Variants in MAML3 observed in about 807,000 individuals in gnomAD.
The protein encoded by MAML3 is mastermind-like protein 3.
A neutral mutation model predicts 101.9 loss-of-function variants in MAML3; 27 were observed. That is an observed-to-expected ratio of 0.27 (90% CI 0.20 to 0.37). The LOEUF is 0.37. Ranked by LOEUF, MAML3 falls within the 10% of genes least tolerant of loss-of-function variation. MAML3 has a pLI of 1.00. For synonymous variants in MAML3, 501 were observed against 555.9 expected (o/e 0.90, Z 1.39); for missense variants, 1,316 against 1,444.9 (o/e 0.91, Z 1.45).
intron 1 of MAML3, among the ~76,000 whole-genome samples, chr4:140,044,043 T>TA (rs1299719728): frequency 6.6e-6 from 1 of 151,042 alleles, no homozygotes; most frequent in Non-Finnish European, 1.5e-5. Context: ...GTTTTAAGAA[T>TA]AAACAAGACA....
intron 1 of MAML3, among the ~76,000 whole-genome samples, chr4:140,081,421 C>T (rs1440608224): frequency 6.6e-6 from 1 of 152,150 alleles, no homozygotes; most frequent in Non-Finnish European, 1.5e-5. Flanking sequence ...TCCTTATTTA[C>T]CAATATCGTG....
chr4:140,081,194 A>T (rs2320823), intron 1 of MAML3, among the ~76,000 whole-genome samples: 9,829 of 152,216 alleles, frequency 0.065, 475 homozygotes, highest in East Asian at 0.24. Context: ...TCTGTTTATA[A>T]GAGGTATGGG....
chr4:139,852,236 G>A (rs990858018), intron 2 of MAML3, among the ~76,000 whole-genome samples: 1 of 151,998 alleles, frequency 6.6e-6, no homozygotes, highest in African/African-American at 2.4e-5. Context: ...AATTTTGGGG[G>A]TAAGTTTCTT....
chr4:140,134,672 C>G (rs1380531375), intron 1 of MAML3: 1 of 271,050 alleles, frequency 3.7e-6, no homozygotes, highest in African/African-American at 2.3e-5. Flanking sequence ...CTTTTAATGA[C>G]ATTTGTTCAT....
At chr4:140,013,787 T>C (rs1338800303) in intron 1 of MAML3, among the ~76,000 whole-genome samples, 2 of 152,186 alleles carry the variant, frequency 1.3e-5, no homozygotes, top group East Asian at 3.9e-4. Flanking sequence ...CCAGTGTAAA[T>C]TCCTTCATTA....
chr4:139,888,492 C>T, intron 2 of MAML3: 1 of 517,620 alleles, frequency 1.9e-6, no homozygotes, highest in Non-Finnish European at 3.9e-6. Context: ...CTCTCTCCTT[C>T]AGGGTAGAAC....
intron 1 of MAML3, among the ~76,000 whole-genome samples, chr4:139,915,562 G>A (rs542848758): frequency 1.4e-4 from 21 of 152,302 alleles, no homozygotes; most frequent in East Asian, 5.8e-4. Context: ...AGAAATGTCC[G>A]TGTAGGCTAC....
chr4:140,039,697 T>C (rs991074042), intron 1 of MAML3, among the ~76,000 whole-genome samples: 2 of 152,202 alleles, frequency 1.3e-5, no homozygotes, highest in African/African-American at 4.8e-5. Flanking sequence ...GGGCCAGGCA[T>C]GCATTTGACA....
rs779890288 is a variant in MAML3 at position 139,719,337 on chromosome 4, A to G, written c.3403T>C (p.Phe1135Leu). Residue 1135 changes from phenylalanine (F) to leucine (L), a missense_variant, in exon 5 of 5, where the codon TTT (phenylalanine) becomes CTT (leucine). Coordinates refer to ENST00000509479, the MANE Select transcript of MAML3 (RefSeq NM_018717.5). ...DEWMQELDEL[F>L]GNP ...GCCTCTCTTGATTAGGGGTTACCAA[A>G]CAATTCATCAAGCTCCTGCATCCAC... is the stretch of plus-strand genomic sequence containing the variant. The G allele has an allele frequency of 5.0e-6, 8 of 1,591,646 alleles. No individual in the cohort carries two copies.
chr4:140,068,124 G>A (rs1285269616), intron 1 of MAML3, among the ~76,000 whole-genome samples: 3 of 152,100 alleles, frequency 2.0e-5, no homozygotes, highest in East Asian at 1.9e-4. Context: ...TCACTCCCAC[G>A]TATTTTCTTG....
At chr4:140,151,695 G>GGT (rs1553981887) in intron 1 of MAML3, among the ~76,000 whole-genome samples, 1 of 149,704 alleles carries the variant, frequency 6.7e-6, no homozygotes, top group Non-Finnish European at 1.5e-5. Flanking sequence ...CGGTGCGGGG[G>GGT]GGGGGGGCAC....
intron 1 of MAML3, among the ~76,000 whole-genome samples, chr4:139,894,947 A>T (rs1732580040): frequency 6.6e-6 from 1 of 152,252 alleles, no homozygotes; most frequent in African/African-American, 2.4e-5. Context: ...TAACCTTCAA[A>T]ACATAAGCAT....
At chr4:139,879,551 G>GAA (rs1161617521) in intron 2 of MAML3, among the ~76,000 whole-genome samples, 1 of 137,090 alleles carries the variant, frequency 7.3e-6, no homozygotes, top group African/African-American at 2.8e-5. Flanking sequence ...GAAAAGAAAA[G>GAA]AAAAGAAAAA....
chr4:139,720,019 C>T lies in MAML3; in HGVS notation c.2721G>A (p.Gln907=). 1 of 1,614,084 alleles carries T rather than the reference C, an allele frequency of 6.2e-7. No homozygotes were observed. The highest frequency in any genetic ancestry group is 1.3e-5 in the African/African-American group (1 of 75,076). The change falls in exon 5 of 5, where the codon CAG becomes CAA. Residue 907 remains glutamine, a synonymous_variant. Transcript: ENST00000509479. ...AQGPRQPASG[Q]GVGMVSGFGQ... Reference sequence around the variant, plus strand: ...CAAAGCCACTCACCATTCCAACCCCCTGCCCAGAGGCAGGTTGCCTCGGTC... The same window carrying T: ...CAAAGCCACTCACCATTCCAACCCCTTGCCCAGAGGCAGGTTGCCTCGGTC...
intron 2 of MAML3, among the ~76,000 whole-genome samples, chr4:139,840,929 C>T (rs548173704): frequency 4.2e-4 from 64 of 152,312 alleles, no homozygotes; most frequent in African/African-American, 1.5e-3. Flanking sequence ...TGGGCTCTGG[C>T]TCTTAATGCA....
intron 1 of MAML3, among the ~76,000 whole-genome samples, chr4:140,003,582 C>T (rs1377582003): frequency 6.6e-6 from 1 of 152,104 alleles, no homozygotes; most frequent in Admixed American, 6.5e-5. Context: ...GGCTTTGTCA[C>T]AAAGGGTTAA....
intron 1 of MAML3, among the ~76,000 whole-genome samples, chr4:140,109,565 A>G (rs1728407072): frequency 6.6e-6 from 1 of 152,222 alleles, no homozygotes; most frequent in Non-Finnish European, 1.5e-5. Context: ...CGCAACACCC[A>G]GAAACGATTT....
chr4:140,148,547 C>CT (rs1431929012), intron 1 of MAML3, among the ~76,000 whole-genome samples: 14 of 152,184 alleles, frequency 9.2e-5, no homozygotes, highest in African/African-American at 3.4e-4. Context: ...GTTACCCATG[C>CT]TAGCGGCAGA....
chr4:139,946,149 G>A (rs948621179), intron 1 of MAML3, among the ~76,000 whole-genome samples: 5 of 152,198 alleles, frequency 3.3e-5, no homozygotes. Flanking sequence ...GATTTCTTTT[G>A]CATTAATCAT....
Sources: allele counts gnomAD v4.1 joint callset (sites outside exome capture counted in the v4.1 genomes callset), GRCh38; gene constraint gnomAD v4.1.1; transcripts MANE v1.5; gene names NCBI Gene and HGNC (gene_info 2026-07-23, HGNC 2026-07-21).